Variants in SPIDR observed in about 807,000 individuals in gnomAD.
The protein encoded by SPIDR is DNA repair-scaffolding protein.
SPIDR carries 93 observed loss-of-function variants against 104.6 expected under a neutral mutation model. The observed-to-expected ratio is 0.89, with a 90% CI of 0.75 to 1.06. The LOEUF (loss-of-function observed/expected upper bound fraction) is 1.06, where lower values mean the gene tolerates loss of function less well. Ranked by LOEUF, SPIDR falls within the 50% of genes least tolerant of loss-of-function variation. SPIDR has a pLI of 0.00. For synonymous variants in SPIDR, 431 were observed against 416.9 expected, an observed-to-expected ratio of 1.03 and a Z score of -0.41; for missense variants, 1,154 against 1,111.2, an observed-to-expected ratio of 1.04 and a Z score of -0.55.
intron 11 of SPIDR, among the ~76,000 whole-genome samples, chr8:47,678,730 C>G (rs2076743507): frequency 6.6e-6 from 1 of 152,164 alleles, no homozygotes; most frequent in African/African-American, 2.4e-5. Context: ...GGGAGTGAGG[C>G]AAGGCGAGGA....
intron 7 of SPIDR, among the ~76,000 whole-genome samples, chr8:47,422,378 G>T (rs572980967): frequency 6.6e-6 from 1 of 152,286 alleles, no homozygotes; most frequent in South Asian, 2.1e-4. Flanking sequence ...AGCAATGAGC[G>T]AGGCTCTGTG....
chr8:47,512,639 G>A (rs904383153), intron 8 of SPIDR, among the ~76,000 whole-genome samples: 5 of 152,112 alleles, frequency 3.3e-5, no homozygotes, highest in African/African-American at 1.2e-4. Context: ...CTGACGTCAC[G>A]GCTGCTCCTG....
chr8:47,435,538 A>C (rs1238904987), intron 7 of SPIDR, among the ~76,000 whole-genome samples: 1 of 152,116 alleles, frequency 6.6e-6, no homozygotes, highest in Non-Finnish European at 1.5e-5. Context: ...CTCTTGGTGT[A>C]TCTTCTTCAT....
chr8:47,308,938 C>T (rs587744984), intron 5 of SPIDR, among the ~76,000 whole-genome samples: 1 of 152,318 alleles, frequency 6.6e-6, no homozygotes, highest in South Asian at 2.1e-4. Context: ...TCAGGCCTTC[C>T]CCTGGACATT....
intron 8 of SPIDR, among the ~76,000 whole-genome samples, chr8:47,495,900 G>A (rs2079376641): frequency 6.6e-6 from 1 of 151,808 alleles, no homozygotes; most frequent in South Asian, 2.1e-4. Context: ...TGCCACTATT[G>A]ACTTTAGGTC....
intron 6 of SPIDR, among the ~76,000 whole-genome samples, chr8:47,404,678 G>A (rs1033699841): frequency 2.0e-5 from 3 of 152,110 alleles, no homozygotes; most frequent in Non-Finnish European, 2.9e-5. Context: ...TTAGAATGGC[G>A]ATCATTAAAA....
chr8:47,294,139 C>G (rs2040421622), intron 5 of SPIDR, 109 bp downstream of exon 5: 2 of 1,378,870 alleles, frequency 1.5e-6, no homozygotes, highest in African/African-American at 1.5e-5. Context: ...AGAACAACCA[C>G]TTTTGACTCT....
intron 10 of SPIDR, among the ~76,000 whole-genome samples, chr8:47,627,951 C>G (rs970983477): frequency 6.6e-6 from 1 of 152,218 alleles, no homozygotes; most frequent in Non-Finnish European, 1.5e-5. Context: ...GTCTCTTACG[C>G]AGGATGAAGG....
intron 5 of SPIDR, chr8:47,357,791 A>G (rs2054855226): frequency 1.1e-6 from 1 of 912,244 alleles, no homozygotes; most frequent in Non-Finnish European, 1.3e-6. Flanking sequence ...AAAATTAGGG[A>G]AGGAAATGGA....
chr8:47,283,922 GAGA>G, intron 2 of SPIDR, 103 bp from the exon 3 acceptor site: 1 of 743,954 alleles, frequency 1.3e-6, no homozygotes, highest in Non-Finnish European at 2.2e-6. Flanking sequence ...AAGGAAATCA[GAGA>G]AGAATATGTT....
At chr8:47,399,777 G>A (rs985296126) in intron 6 of SPIDR, among the ~76,000 whole-genome samples, 3 of 152,194 alleles carry the variant, frequency 2.0e-5, no homozygotes, top group South Asian at 2.1e-4. Context: ...GGTAAAGTGA[G>A]AATGAGAATG....
intron 8 of SPIDR, among the ~76,000 whole-genome samples, chr8:47,520,208 A>G (rs183788916): frequency 3.3e-5 from 5 of 152,328 alleles, no homozygotes; most frequent in Admixed American, 6.5e-5. Context: ...CAGAGAGGCA[A>G]ATATTTTATA....
chr8:47,303,575 C>A (rs1470969989), intron 5 of SPIDR, among the ~76,000 whole-genome samples: 2 of 152,180 alleles, frequency 1.3e-5, no homozygotes, highest in Non-Finnish European at 2.9e-5. Flanking sequence ...TCCTGTTTGG[C>A]CATCTTGGCT....
chr8:47,701,070 G>A (rs1589318567), intron 12 of SPIDR, among the ~76,000 whole-genome samples: 2 of 152,186 alleles, frequency 1.3e-5, no homozygotes, highest in Admixed American at 6.5e-5. Flanking sequence ...CAAAACTGGG[G>A]CTGTCTTCCT....
At chr8:47,385,917 T>TTTTC (rs1419783362) in intron 5 of SPIDR, among the ~76,000 whole-genome samples, 3 of 152,184 alleles carry the variant, frequency 2.0e-5, no homozygotes, top group Non-Finnish European at 2.9e-5. Context: ...TCTATGGACT[T>TTTTC]TGTGTCATAC....
chr8:47,491,360 G>A (rs2078677208), intron 8 of SPIDR, among the ~76,000 whole-genome samples: 1 of 151,366 alleles, frequency 6.6e-6, no homozygotes, highest in East Asian at 1.9e-4. Context: ...TTATTTAAAA[G>A]AAAAAAAGAA....
At chr8:47,609,617 C>G (rs1312798022) in intron 10 of SPIDR, among the ~76,000 whole-genome samples, 1 of 152,080 alleles carries the variant, frequency 6.6e-6, no homozygotes, top group East Asian at 1.9e-4. Flanking sequence ...CCCTTTGTCT[C>G]TTTTAGCTTT....
chr8:47,721,562 C>T (rs1160969891), intron 16 of SPIDR, among the ~76,000 whole-genome samples: 4 of 152,070 alleles, frequency 2.6e-5, no homozygotes, highest in Non-Finnish European at 4.4e-5. Flanking sequence ...AGCTCCGCCT[C>T]CCGGGTTCAC....
chr8:47,262,102 A>G (rs905727640), intron 1 of SPIDR, among the ~76,000 whole-genome samples: 1 of 152,104 alleles, frequency 6.6e-6, no homozygotes, highest in African/African-American at 2.4e-5. Context: ...CACATGTTCC[A>G]TATTTGCTTT....
Sources: allele counts gnomAD v4.1 joint callset (sites outside exome capture counted in the v4.1 genomes callset), GRCh38; gene constraint gnomAD v4.1.1; transcripts MANE v1.5; gene names NCBI Gene and HGNC (gene_info 2026-07-23, HGNC 2026-07-21).